ATRNL1: variants seen among roughly 807,000 people sequenced by gnomAD.
ATRNL1 encodes attractin like 1.
ATRNL1 carries 95 observed loss-of-function variants against 182.7 expected under a neutral mutation model. That is an observed-to-expected ratio of 0.52 (90% CI 0.44 to 0.62). The LOEUF (loss-of-function observed/expected upper bound fraction) is 0.62. Among genes scored for constraint, ATRNL1 ranks in the 20% least tolerant of loss-of-function variants. The pLI is 0.00. For synonymous variants in ATRNL1, 576 were observed against 568.3 expected (o/e 1.01, Z -0.19); for missense variants, 1,471 against 1,679.5 (o/e 0.88, Z 2.17).
At chr10:115,748,955 A>G (rs782095594) in intron 27 of ATRNL1, among the ~76,000 whole-genome samples, 1 of 151,980 alleles carries the variant, frequency 6.6e-6, no homozygotes, top group Non-Finnish European at 1.5e-5. Context: ...ATTCACAGTA[A>G]CAATGAAATG....
At chr10:115,363,206 C>T (rs575513441) in intron 19 of ATRNL1, among the ~76,000 whole-genome samples, 3,045 of 151,364 alleles carry the variant, frequency 0.02, 92 homozygotes, top group African/African-American at 0.069. Flanking sequence ...TTTTAATGAT[C>T]GCCATTCTAA....
chr10:115,172,225 G>T (rs942934257), intron 8 of ATRNL1, among the ~76,000 whole-genome samples: 2 of 151,890 alleles, frequency 1.3e-5, no homozygotes, highest in African/African-American at 4.8e-5. Context: ...TCAAAAGTGG[G>T]TTACATATCC....
In ATRNL1 at chr10:115,947,474, T is replaced by G. The variant is rs1344318312; in HGVS notation, c.*2695T>G. 6.6e-6 allele frequency: 1 copy of G among 152,606 alleles called. No individual in the cohort carries two copies. Among genetic ancestry groups the G allele is most frequent in the East Asian group, 1.9e-4 (1 of 5,198 alleles). The allele number at this position is 152,606 out of a possible 1,614,324, so 9.5% of individuals were successfully genotyped here. Reference sequence around the variant, plus strand: ...GAGTTTTAAAAATTAACCTGGGGATTCTATTTGAACTAGAAAATTCCTATT... The same window carrying G: ...GAGTTTTAAAAATTAACCTGGGGATGCTATTTGAACTAGAAAATTCCTATT... On this transcript the variant is annotated 3_prime_UTR_variant, in exon 29 of 29. Transcript: ENST00000355044.
chr10:115,621,028 A>G (rs1857707634), intron 26 of ATRNL1, among the ~76,000 whole-genome samples: 1 of 151,770 alleles, frequency 6.6e-6, no homozygotes, highest in Non-Finnish European at 1.5e-5. Flanking sequence ...TTGGAATGCC[A>G]TTAGAAAAAC....
chr10:115,884,181 C>A (rs1199558785), intron 28 of ATRNL1, among the ~76,000 whole-genome samples: 2 of 152,184 alleles, frequency 1.3e-5, no homozygotes, highest in Non-Finnish European at 2.9e-5. Context: ...CATTTTACCT[C>A]ATTTCTCTTT....
At chr10:115,632,938 G>C (rs1455390423) in intron 26 of ATRNL1, among the ~76,000 whole-genome samples, 2 of 132,702 alleles carry the variant, frequency 1.5e-5, no homozygotes, top group East Asian at 5.8e-4. Flanking sequence ...TGTCGCCCAG[G>C]CTGGTGTGCA....
intron 28 of ATRNL1, among the ~76,000 whole-genome samples, chr10:115,916,817 C>T (rs1390138743): frequency 2.0e-5 from 3 of 152,132 alleles, no homozygotes; most frequent in African/African-American, 7.2e-5. Flanking sequence ...CTTTCTCTGA[C>T]CAAGAGAAAG....
intron 26 of ATRNL1, among the ~76,000 whole-genome samples, chr10:115,629,764 G>A (rs1001705248): frequency 1.9e-4 from 29 of 151,982 alleles, no homozygotes; most frequent in Non-Finnish European, 3.5e-4. Flanking sequence ...CTTTATTATA[G>A]TTTAAACATG....
chr10:115,326,999 A>T (rs1477581597), intron 18 of ATRNL1, among the ~76,000 whole-genome samples: 10 of 152,106 alleles, frequency 6.6e-5, no homozygotes, highest in Admixed American at 2.0e-4. Flanking sequence ...AAACCTAGGC[A>T]TTACCATTCA....
intron 21 of ATRNL1, among the ~76,000 whole-genome samples, chr10:115,444,292 A>G (rs1286607243): frequency 1.3e-5 from 2 of 152,110 alleles, no homozygotes; most frequent in Non-Finnish European, 2.9e-5. Context: ...TACAGTAATT[A>G]AGGCAGTGTA....
At chr10:115,842,249 A>G (rs1339208584) in intron 27 of ATRNL1, among the ~76,000 whole-genome samples, 1 of 152,038 alleles carries the variant, frequency 6.6e-6, no homozygotes, top group Non-Finnish European at 1.5e-5. Context: ...TCAATTTTCT[A>G]ATTGCTTTTT....
chr10:115,582,732 A>G (rs1208886166), intron 26 of ATRNL1, among the ~76,000 whole-genome samples: 1 of 149,502 alleles, frequency 6.7e-6, no homozygotes, highest in Non-Finnish European at 1.5e-5. Flanking sequence ...TTTGCTGTGC[A>G]GAAGCTCTTG....
chr10:115,209,773 A>G (rs1175775673), intron 8 of ATRNL1, among the ~76,000 whole-genome samples: 1 of 152,018 alleles, frequency 6.6e-6, no homozygotes, highest in Non-Finnish European at 1.5e-5. Context: ...TATTGAGACC[A>G]GTTGGTTCCT....
intron 19 of ATRNL1, among the ~76,000 whole-genome samples, chr10:115,366,070 C>A (rs1857021091): frequency 6.6e-6 from 1 of 151,700 alleles, no homozygotes; most frequent in South Asian, 2.1e-4. Context: ...TCCTGGGTAT[C>A]CTTGTTGACT....
intron 17 of ATRNL1, among the ~76,000 whole-genome samples, chr10:115,305,811 C>T (rs1355631625): frequency 4.6e-5 from 7 of 152,224 alleles, no homozygotes; most frequent in African/African-American, 1.4e-4. Flanking sequence ...TCAAAAATGT[C>T]AGCTAGAGGA....
chr10:115,387,362 C>G (rs1858422555), intron 19 of ATRNL1, among the ~76,000 whole-genome samples: 3 of 152,166 alleles, frequency 2.0e-5, no homozygotes. Context: ...ATAACTATCT[C>G]TGATATTTTT....
chr10:115,122,319 G>A (rs201209522), intron 3 of ATRNL1, among the ~76,000 whole-genome samples: 7 of 151,678 alleles, frequency 4.6e-5, no homozygotes, highest in South Asian at 2.1e-4. Context: ...ATTGTTAGTC[G>A]TAAGGTAGAT....
chr10:115,348,694 T>TTA (rs1856092024), intron 19 of ATRNL1, among the ~76,000 whole-genome samples: 1 of 152,170 alleles, frequency 6.6e-6, no homozygotes. Flanking sequence ...GGACTTGAAT[T>TTA]TATATACATT....
intron 26 of ATRNL1, among the ~76,000 whole-genome samples, chr10:115,584,844 G>A (rs1302684369): frequency 6.6e-6 from 1 of 151,386 alleles, no homozygotes; most frequent in African/African-American, 2.4e-5. Context: ...TGATGTTAGG[G>A]TGTCAATTTT....
Sources: allele counts gnomAD v4.1 joint callset (sites outside exome capture counted in the v4.1 genomes callset), GRCh38; gene constraint gnomAD v4.1.1; transcripts MANE v1.5; gene names NCBI Gene and HGNC (gene_info 2026-07-23, HGNC 2026-07-21).